The following ANXA13 variants were observed in gnomAD, a reference collection of about 807,000 sequenced individuals.
The protein encoded by ANXA13 is annexin A13.
A neutral mutation model predicts 46.6 loss-of-function variants in ANXA13; 36 were observed. The ratio of observed to expected loss-of-function variants is 0.77; its 90% CI spans 0.59 to 1.02. The LOEUF is 1.02. Among genes scored for constraint, ANXA13 ranks in the 50% least tolerant of loss-of-function variants. The pLI is 0.00. For synonymous variants in ANXA13, 163 were observed against 152.9 expected, an observed-to-expected ratio of 1.07 and a Z score of -0.49; for missense variants, 417 against 396.5, an observed-to-expected ratio of 1.05 and a Z score of -0.44.
At chr8:123,718,397 G>T (rs1164019390) in intron 1 of ANXA13, among the ~76,000 whole-genome samples, 1 of 152,184 alleles carries the variant, frequency 6.6e-6, no homozygotes, top group Non-Finnish European at 1.5e-5. Flanking sequence ...TCACACTGCG[G>T]AGTCCAGGTG....
At chr8:123,735,766 C>A (rs770245157) in intron 1 of ANXA13, 7 of 1,611,210 alleles carry the variant, frequency 4.3e-6, no homozygotes, top group Non-Finnish European at 5.1e-6. Context: ...GGCTGTGGGG[C>A]CTCTGGCTCT....
chr8:123,725,848 A>G (rs1360206747), intron 1 of ANXA13, among the ~76,000 whole-genome samples: 1 of 152,186 alleles, frequency 6.6e-6, no homozygotes, highest in Non-Finnish European at 1.5e-5. Context: ...TTAGAAGTTT[A>G]TTAATCTGCG....
intron 9 of ANXA13, among the ~76,000 whole-genome samples, chr8:123,686,182 A>G (rs1563604204): frequency 6.6e-6 from 1 of 152,180 alleles, no homozygotes; most frequent in South Asian, 2.1e-4. Context: ...GAATAAAATT[A>G]TTCACTGCAG....
intron 1 of ANXA13, among the ~76,000 whole-genome samples, chr8:123,734,730 T>C (rs1239248973): frequency 6.7e-6 from 1 of 149,082 alleles, no homozygotes; most frequent in Admixed American, 6.8e-5. Flanking sequence ...TTTCTAGGAG[T>C]CTTTTGCATT....
At position 123,684,685 on chromosome 8, in the gene ANXA13, T is replaced by C; in HGVS notation, c.756A>G (p.Glu252=). The change falls in exon 10 of 11, where the codon GAA becomes GAG. Residue 252 remains glutamate (E), a synonymous_variant. Coordinates refer to ENST00000419625, the MANE Select transcript of ANXA13 (RefSeq NM_004306.4). The stretch of plus-strand genomic sequence containing the variant: ...CACCCTTCATCGACTTGTACAGACG[T>C]TCAGCAAAATAGTCCTCACAATCCT... The part of the protein sequence containing the change: ...CAQDCEDYFA[E]RLYKSMKGAG... 6.2e-7 allele frequency: 1 copy of C among 1,614,082 alleles called. No homozygotes were observed. The highest frequency in any genetic ancestry group is 8.5e-7 in the Non-Finnish European group (1 of 1,179,958).
chr8:123,694,018 T>A, intron 6 of ANXA13, among the ~76,000 whole-genome samples: 1 of 146,320 alleles, frequency 6.8e-6, no homozygotes, highest in East Asian at 2.0e-4. Flanking sequence ...GAAACCAGAG[T>A]CACCCACACA....
chr8:123,716,750 C>T (rs140519898), intron 1 of ANXA13, among the ~76,000 whole-genome samples: 5 of 152,120 alleles, frequency 3.3e-5, no homozygotes, highest in African/African-American at 4.8e-5. Flanking sequence ...GTAGATGGAG[C>T]GGACATTCCA....
chr8:123,717,801 G>A (rs1813784774), intron 1 of ANXA13, among the ~76,000 whole-genome samples: 1 of 152,250 alleles, frequency 6.6e-6, no homozygotes, highest in East Asian at 1.9e-4. Context: ...GCGTGTCTCA[G>A]CAGGTTTGGA....
At chr8:123,708,484 C>A (rs905315808) in intron 2 of ANXA13, among the ~76,000 whole-genome samples, 3 of 152,182 alleles carry the variant, frequency 2.0e-5, no homozygotes, top group African/African-American at 7.2e-5. Context: ...AGGCTGCAGC[C>A]CCCGCTCTGG....
intron 1 of ANXA13, chr8:123,727,581 T>A (rs936693020): frequency 1.3e-5 from 2 of 151,850 alleles, no homozygotes; most frequent in Admixed American, 1.3e-4. Context: ...TATCTAGTGA[T>A]AGAGGCCAGG....
At chr8:123,730,404 G>T (rs969568696) in intron 1 of ANXA13, among the ~76,000 whole-genome samples, 3 of 152,096 alleles carry the variant, frequency 2.0e-5, no homozygotes, top group Non-Finnish European at 4.4e-5. Context: ...ACATTCTGGG[G>T]GTTGGACCCA....
intron 3 of ANXA13, among the ~76,000 whole-genome samples, chr8:123,701,088 G>GT (rs1211245600): frequency 6.6e-6 from 1 of 152,158 alleles, no homozygotes; most frequent in Non-Finnish European, 1.5e-5. Flanking sequence ...GGGATTACAG[G>GT]TGTGAGCCAC....
intron 10 of ANXA13, among the ~76,000 whole-genome samples, chr8:123,683,679 T>C (rs1813084312): frequency 6.6e-6 from 1 of 150,748 alleles, no homozygotes; most frequent in South Asian, 2.1e-4. Flanking sequence ...CTCCACCTTC[T>C]GGGTTCAAGC....
intron 1 of ANXA13, among the ~76,000 whole-genome samples, chr8:123,725,286 C>T (rs1216397350): frequency 6.6e-6 from 1 of 152,142 alleles, no homozygotes; most frequent in Non-Finnish European, 1.5e-5. Context: ...GAAGGTTGTA[C>T]TTAAATCTGA....
chr8:123,698,587 G>A (rs1421599048), intron 3 of ANXA13, 28 bp from the exon 4 acceptor site: 8 of 1,611,290 alleles, frequency 5.0e-6, no homozygotes, highest in South Asian at 3.3e-5. Flanking sequence ...GAGACGTGCT[G>A]GGAATGGCCC....
chr8:123,736,721 C>T (rs528269247), intron 1 of ANXA13, among the ~76,000 whole-genome samples: 1 of 152,266 alleles, frequency 6.6e-6, no homozygotes, highest in African/African-American at 2.4e-5. Context: ...GTTATACATT[C>T]TACAGATACA....
intron 3 of ANXA13, among the ~76,000 whole-genome samples, chr8:123,699,341 G>A (rs192171138): frequency 1.5e-4 from 23 of 152,132 alleles, no homozygotes; most frequent in Non-Finnish European, 1.2e-4. Flanking sequence ...TGCCATGCTC[G>A]GCTAATTTTT....
chr8:123,686,470 A>AAAAAG (rs1554591809), intron 9 of ANXA13, among the ~76,000 whole-genome samples: 15 of 148,878 alleles, frequency 1.0e-4, no homozygotes, highest in East Asian at 7.8e-4. Context: ...AAAAAAAAAA[A>AAAAAG]AAAGAAAGAA....
intron 4 of ANXA13, among the ~76,000 whole-genome samples, 179 bp from the exon 5 acceptor site, chr8:123,695,900 C>CGGGGGGGGGGGGG (rs1813323610): frequency 2.1e-5 from 3 of 143,762 alleles, no homozygotes; most frequent in African/African-American, 2.7e-5. Flanking sequence ...GGAGATGTGA[C>CGGGGGGGGGGGGG]GGCCCGCCCC....
Sources: gnomAD v4.1 joint callset for allele counts (sites outside exome capture counted in the v4.1 genomes callset) on GRCh38, gnomAD v4.1.1 for gene constraint, MANE v1.5 for transcripts, NCBI Gene and HGNC (gene_info 2026-07-23, HGNC 2026-07-21) for gene names.